NAALADL2: variants seen among roughly 807,000 people sequenced by gnomAD.
The protein encoded by NAALADL2 is N-acetylated alpha-linked acidic dipeptidase like 2.
NAALADL2 carries 76 observed loss-of-function variants against 87.2 expected under a neutral mutation model. The ratio of observed to expected loss-of-function variants is 0.87; its 90% CI spans 0.72 to 1.05. The LOEUF (loss-of-function observed/expected upper bound fraction) is 1.05. Among genes scored for constraint, NAALADL2 ranks in the 50% least tolerant of loss-of-function variants. NAALADL2 has a pLI of 0.00. For missense variants in NAALADL2, 1,089 were observed against 945.8 expected (o/e 1.15, Z -1.99); for synonymous variants, 354 against 331.0 (o/e 1.07, Z -0.75).
intron 3 of NAALADL2, among the ~76,000 whole-genome samples, chr3:174,754,320 G>A (rs563401262): frequency 6.6e-6 from 1 of 152,156 alleles, no homozygotes; most frequent in Admixed American, 6.5e-5. Flanking sequence ...TTTGTAAAAT[G>A]TAATGAAAAT....
At chr3:175,458,391 A>T (rs905999483) in intron 6 of NAALADL2, among the ~76,000 whole-genome samples, 1 of 151,034 alleles carries the variant, frequency 6.6e-6, no homozygotes, top group South Asian at 2.1e-4. Flanking sequence ...ATACACACAC[A>T]TACACACGGT....
chr3:174,559,069 G>C (rs1713237508), intron 2 of NAALADL2, among the ~76,000 whole-genome samples: 1 of 152,110 alleles, frequency 6.6e-6, no homozygotes, highest in South Asian at 2.1e-4. Context: ...TCTTGGATTT[G>C]AAAGTGGCTA....
At chr3:174,759,964 G>A (rs1712699796) in intron 3 of NAALADL2, among the ~76,000 whole-genome samples, 1 of 152,184 alleles carries the variant, frequency 6.6e-6, no homozygotes, top group African/African-American at 2.4e-5. Flanking sequence ...CTCCCAAAGT[G>A]CTGGGATTAC....
At chr3:175,530,132 C>T (rs1017564930) in intron 9 of NAALADL2, among the ~76,000 whole-genome samples, 1 of 152,090 alleles carries the variant, frequency 6.6e-6, no homozygotes, top group African/African-American at 2.4e-5. Flanking sequence ...GCCCATCGGG[C>T]GATGACAGGG....
intron 1 of NAALADL2, among the ~76,000 whole-genome samples, chr3:175,001,182 A>G (rs538896432): frequency 1.8e-4 from 28 of 152,306 alleles, no homozygotes; most frequent in African/African-American, 4.6e-4. Context: ...TCAAATTTCA[A>G]TGTTCATAAG....
intron 1 of NAALADL2, among the ~76,000 whole-genome samples, chr3:175,084,368 G>C (rs969186347): frequency 5.9e-5 from 9 of 152,096 alleles, no homozygotes; most frequent in Admixed American, 2.0e-4. Context: ...GGTCGAGATA[G>C]CTTCATTCAT....
intron 2 of NAALADL2, among the ~76,000 whole-genome samples, chr3:174,656,621 T>C (rs568712175): frequency 2.1e-4 from 32 of 152,322 alleles, no homozygotes; most frequent in Admixed American, 2.0e-3. Flanking sequence ...CAGATTAAAC[T>C]GTTTAGTATT....
At chr3:174,985,115 A>G (rs753092882) in intron 1 of NAALADL2, among the ~76,000 whole-genome samples, 5 of 152,184 alleles carry the variant, frequency 3.3e-5, no homozygotes, top group African/African-American at 4.8e-5. Flanking sequence ...AGCACATAGA[A>G]TTTGGAACGT....
chr3:174,837,565 G>A (rs531408968), intron 3 of NAALADL2, among the ~76,000 whole-genome samples: 95 of 152,262 alleles, frequency 6.2e-4, no homozygotes, highest in Middle Eastern at 3.4e-3. Flanking sequence ...AGTCCAAAGC[G>A]GGCAGATCAC....
chr3:174,538,882 G>A lies in NAALADL2; in HGVS notation c.-183-11687G>A, dbSNP rs1293053763. On this transcript the variant is annotated intron_variant, in intron 1 of 3. Coordinates refer to the NAALADL2 transcript ENST00000434257. ...ATGGACTGCACCAATGTACATCTTA[G>A]ATACATTGATTGATGCCTTATGTCT... Among the ~76,000 whole-genome samples, 4 of 152,204 alleles carry A rather than the reference G, an allele frequency of 2.6e-5. No homozygotes were observed. The East Asian group carries it at 7.8e-4, about 30-fold the overall frequency.
chr3:175,407,009 C>T (rs1712531061), intron 5 of NAALADL2, among the ~76,000 whole-genome samples: 1 of 151,906 alleles, frequency 6.6e-6, no homozygotes, highest in East Asian at 1.9e-4. Flanking sequence ...GGTGAAACCC[C>T]GTCTCTACTA....
intron 3 of NAALADL2, among the ~76,000 whole-genome samples, chr3:175,236,548 C>CAAAA (rs34787558): frequency 7.9e-4 from 78 of 98,938 alleles, no homozygotes; most frequent in African/African-American, 3.4e-3. Flanking sequence ...AACTCCTTCT[C>CAAAA]AAAAAAAAAA....
In NAALADL2 at chr3:175,332,407, T is replaced by A. The variant is rs568643900; in HGVS notation, c.1090+8082T>A. 5.9e-5 allele frequency among the ~76,000 whole-genome samples: 9 copies of A among 152,238 alleles called. No homozygotes were observed. In the South Asian group the frequency reaches 1.7e-3, roughly 28 times the overall value. ...AGTTCAACCTTCAAGGCACAAGTGA[T>A]CCTCCCACCTCAGCCTCCAAGTAGC... On this transcript the variant is annotated intron_variant, in intron 5 of 13. Transcript: ENST00000454872.
In NAALADL2 at chr3:175,474,666, C is replaced by T. The variant is rs541436963; in HGVS notation, c.1653+2908C>T. Among the ~76,000 whole-genome samples the T allele has an allele frequency of 6.6e-5, 10 of 152,230 alleles. No individual in the cohort carries two copies. In the East Asian group the frequency reaches 1.7e-3, roughly 26 times the overall value. On this transcript the variant is annotated intron_variant, in intron 9 of 13. Transcript: ENST00000454872. Reference sequence around the variant, plus strand: ...ATATACGGCATCTCTGTCACAGTCACGCTCTCAGCATCACACAACTGCTGC... The same window carrying T: ...ATATACGGCATCTCTGTCACAGTCATGCTCTCAGCATCACACAACTGCTGC...
Position 175,632,310 on chromosome 3 carries a change from C to CTCAA in NAALADL2, c.1896+4924_1896+4925insTCAA, listed in dbSNP as rs71164648. ...TCTCTCTCTCTCTCTCTCTCTCTCTCCTACTCCCTAATGGTAAGATACACT... is the reference window on the plus strand; with the variant it reads ...TCTCTCTCTCTCTCTCTCTCTCTCTCTCAACTACTCCCTAATGGTAAGATACACT... On this transcript the variant is annotated intron_variant, in intron 11 of 13. Transcript: ENST00000454872. Among the ~76,000 whole-genome samples the CTCAA allele has an allele frequency of 5.0e-4, 73 of 145,488 alleles. 1 individual carries two copies. Among genetic ancestry groups the CTCAA allele is most frequent in the Non-Finnish European group, 7.2e-4 (48 of 66,400 alleles).
At chr3:174,918,060 A>G (rs1006163466) in intron 1 of NAALADL2, among the ~76,000 whole-genome samples, 10 of 152,146 alleles carry the variant, frequency 6.6e-5, no homozygotes, top group African/African-American at 2.2e-4. Flanking sequence ...ATCCACTGCA[A>G]TACTTAATAA....
At chr3:174,660,463 A>C (rs1469859079) in intron 2 of NAALADL2, among the ~76,000 whole-genome samples, 1 of 152,164 alleles carries the variant, frequency 6.6e-6, no homozygotes, top group Non-Finnish European at 1.5e-5. Context: ...CCAAGCTATA[A>C]AGTGATTTGT....
intron 9 of NAALADL2, among the ~76,000 whole-genome samples, chr3:175,529,648 C>T (rs910624971): frequency 2.6e-5 from 4 of 152,158 alleles, no homozygotes; most frequent in African/African-American, 9.7e-5. Flanking sequence ...CCAGCTGCTT[C>T]AGGATGATGG....
chr3:174,481,809 A>T (rs1176802255), intron 1 of NAALADL2, among the ~76,000 whole-genome samples: 2 of 152,092 alleles, frequency 1.3e-5, no homozygotes, highest in Non-Finnish European at 2.9e-5. Context: ...ATGAGTTTTG[A>T]CAATAGAGGT....
Sources: allele counts gnomAD v4.1 joint callset (sites outside exome capture counted in the v4.1 genomes callset), GRCh38; gene constraint gnomAD v4.1.1; transcripts MANE v1.5; gene names NCBI Gene and HGNC (gene_info 2026-07-23, HGNC 2026-07-21).